The following TRIM62 variants were observed in gnomAD, a reference collection of about 807,000 sequenced individuals.
TRIM62 encodes the protein tripartite motif containing 62.
A neutral mutation model predicts 44.2 loss-of-function variants in TRIM62; 39 were observed. The ratio of observed to expected loss-of-function variants is 0.88; its 90% CI spans 0.68 to 1.15. The LOEUF (loss-of-function observed/expected upper bound fraction) is 1.15. Ranked by LOEUF, TRIM62 falls within the 50% of genes most tolerant of loss-of-function variation. The probability of loss-of-function intolerance (pLI) is 0.00; values close to 1 mark genes in which losing one functional copy is unlikely to be tolerated. For missense variants in TRIM62, 544 were observed against 665.5 expected, an observed-to-expected ratio of 0.82 and a Z score of 2.01; for synonymous variants, 278 against 292.3, an observed-to-expected ratio of 0.95 and a Z score of 0.50.
rs758042989 is a variant in TRIM62 at position 33,159,955 on chromosome 1, C to T, written c.505-11G>A. 7.5e-6 allele frequency: 12 copies of T among 1,599,072 alleles called. No homozygotes were observed. The highest frequency in any genetic ancestry group is 1.0e-5 in the Non-Finnish European group (12 of 1,177,680). On this transcript the variant is annotated splice_polypyrimidine_tract_variant and intron_variant, in intron 2 of 4. Coordinates refer to ENST00000291416, the MANE Select transcript of TRIM62 (RefSeq NM_018207.3). This position sits in a 1 kb window ranked among gnomAD's most constrained non-coding sequence, Gnocchi z 4.2. ...GCTCTTGGTGGAAGACTGTGGGGGA[C>T]AGTCGTCAGGGGTTATGGCTGGGGG...
intron 1 of TRIM62, among the ~76,000 whole-genome samples, chr1:33,166,482 G>C (rs566676297): frequency 5.3e-5 from 8 of 152,202 alleles, no homozygotes; most frequent in African/African-American, 1.9e-4. Flanking sequence ...GGCTACAGTG[G>C]GCTGGGCACA....
intron 1 of TRIM62, among the ~76,000 whole-genome samples, chr1:33,170,979 C>T (rs1645369703): frequency 6.6e-6 from 1 of 152,198 alleles, no homozygotes; most frequent in African/African-American, 2.4e-5. Context: ...GCTCCCTAGT[C>T]GCTTCTTTGT....
intron 1 of TRIM62, among the ~76,000 whole-genome samples, chr1:33,170,275 G>T (rs530222107): frequency 2.8e-4 from 43 of 151,272 alleles, no homozygotes; most frequent in Non-Finnish European, 5.0e-4. Context: ...AGTGAGCCAA[G>T]ATCGTGCCAC....
At chr1:33,174,140 C>T (rs1645395797) in intron 1 of TRIM62, among the ~76,000 whole-genome samples, 1 of 150,210 alleles carries the variant, frequency 6.7e-6, no homozygotes, top group African/African-American at 2.5e-5. Context: ...CCTTCTTCTC[C>T]CTTCTCCCTT....
At chr1:33,175,300 C>T (rs1645410805) in intron 1 of TRIM62, among the ~76,000 whole-genome samples, 1 of 152,004 alleles carries the variant, frequency 6.6e-6, no homozygotes, top group African/African-American at 2.4e-5. Flanking sequence ...CCTTGGCCTC[C>T]TGAAGTGCTG....
rs1234193227 is a variant in TRIM62, at chr1:33,181,354, C to T, written c.79G>A (p.Glu27Lys). ...IYQDPVSLGC[E>K]HYFCRRCITE... ...ATGCAGCGGCGGCAGAAGTAATGCT[C>T]GCAGCCCAGGCTCACCGGGTCCTGG... Residue 27 changes from glutamate to lysine, a missense_variant, in exon 1 of 5, where the codon GAG becomes AAG. Glu to Lys is a moderately conservative substitution (Grantham distance 56, BLOSUM62 1). Transcript: ENST00000291416. The surrounding 1 kb of genome is among the most constrained non-coding windows in gnomAD (Gnocchi z 6.5). 8 of 1,591,852 alleles carry T rather than the reference C, an allele frequency of 5.0e-6. No homozygotes were observed. The highest frequency in any genetic ancestry group is 6.8e-6 in the Non-Finnish European group (8 of 1,172,738).
chr1:33,162,926 T>C (rs1645288371), intron 2 of TRIM62: 1 of 152,226 alleles, frequency 6.6e-6, no homozygotes, highest in Admixed American at 6.5e-5. Flanking sequence ...GGACTTCAGG[T>C]TGGTCCCTCA....
In TRIM62 at chr1:33,159,610, C is replaced by T. The variant is rs1360825976; in HGVS notation, c.761+78G>A. On this transcript the variant is annotated intron_variant, in intron 3 of 4. Transcript: ENST00000291416. The surrounding 1 kb of genome is among the most constrained non-coding windows in gnomAD (Gnocchi z 4.2). ...AAGAATTCTCTGCTAAGGATCCCAT[C>T]TGCCTCCACTCCCACTGCCCAGCAT... is the stretch of plus-strand genomic sequence containing the variant. 9.3e-6 allele frequency: 14 copies of T among 1,509,322 alleles called. No individual in the cohort carries two copies. The highest frequency in any genetic ancestry group is 1.2e-5 in the Non-Finnish European group (14 of 1,130,116). The allele number at this position is 1,509,322 out of a possible 1,614,324, so 93.5% of individuals were successfully genotyped here. A position where few individuals can be genotyped will look rare whatever the true frequency, so the allele number is the denominator to read the frequency against.
chr1:33,176,303 C>T, intron 1 of TRIM62: 2 of 586,404 alleles, frequency 3.4e-6, no homozygotes, highest in South Asian at 3.8e-5. Flanking sequence ...AGGGTGTCAC[C>T]CCCTCTCCTG....
At chr1:33,180,512 T>C (rs115892154) in intron 1 of TRIM62, among the ~76,000 whole-genome samples, 242 of 152,234 alleles carry the variant, frequency 1.6e-3, no homozygotes, top group African/African-American at 5.4e-3. Flanking sequence ...CTAGCCCCCG[T>C]ACTCCTCTTA....
intron 1 of TRIM62, among the ~76,000 whole-genome samples, chr1:33,174,676 T>G (rs1645399630): frequency 6.6e-6 from 1 of 152,188 alleles, no homozygotes; most frequent in Admixed American, 6.5e-5. Context: ...TTTTGTTCCC[T>G]CTGTCCATAA....
In TRIM62 at chr1:33,181,710, G is replaced by A. The variant is rs1645466099; in HGVS notation, c.-278C>T. 7 of 489,726 alleles carry A rather than the reference G, an allele frequency of 1.4e-5. 1 individual carries two copies. The South Asian group carries it at 1.7e-4, about 12-fold the overall frequency. 30.3% of individuals were successfully genotyped at this position (489,726 alleles called of 1,614,324 possible). ...CGCTGGGAGGAGGCTGTGAGCGGCT[G>A]AGGGACGGAGATCCTGACGGGGAGG... is the stretch of plus-strand genomic sequence containing the variant. On this transcript the variant is annotated 5_prime_UTR_variant, in exon 1 of 5. Transcript: ENST00000291416. This position sits in a 1 kb window ranked among gnomAD's most constrained non-coding sequence, Gnocchi z 6.5.
intron 4 of TRIM62, among the ~76,000 whole-genome samples, chr1:33,148,692 A>G (rs923944496): frequency 6.6e-6 from 1 of 152,220 alleles, no homozygotes; most frequent in African/African-American, 2.4e-5. Flanking sequence ...ATACACACAC[A>G]ACACTTGAAA....
rs147419871 is a variant in TRIM62 at position 33,159,926 on chromosome 1, G to T, written c.523C>A (p.Arg175=). ...AETKSSTKSL[R]TTIGEAFERL... ...TCGAAGGCCTCGCCGATAGTGGTCC[G>T]CAGGCTCTTGGTGGAAGACTGTGGG... is the stretch of plus-strand genomic sequence containing the variant. Residue 175 remains arginine, a synonymous_variant, in exon 3 of 5, where the codon CGG becomes AGG. Transcript: ENST00000291416. The surrounding 1 kb of genome is among the most constrained non-coding windows in gnomAD (Gnocchi z 4.2). The T allele has an allele frequency of 4.7e-4, 748 of 1,605,212 alleles. 1 individual carries two copies. The highest frequency in any genetic ancestry group is 6.1e-4 in the Non-Finnish European group (718 of 1,179,802).
At position 33,161,540 on chromosome 1, in the gene TRIM62, C is replaced by T. The variant is rs942939583; in HGVS notation, c.505-1596G>A. 6.6e-6 allele frequency among the ~76,000 whole-genome samples: 1 copy of T among 152,128 alleles called. No individual in the cohort carries two copies. Among genetic ancestry groups the T allele is most frequent in the African/African-American group, 2.4e-5 (1 of 41,416 alleles). On this transcript the variant is annotated intron_variant, in intron 2 of 4. Transcript: ENST00000291416. The surrounding 1 kb of genome is among the most constrained non-coding windows in gnomAD (Gnocchi z 4.3). ...GCTGGCCTGCAGGAAGAACTGCTGGCGGTGGGCCAGCCTCGCTGCGCATGC... is the reference window on the plus strand; with the variant it reads ...GCTGGCCTGCAGGAAGAACTGCTGGTGGTGGGCCAGCCTCGCTGCGCATGC...
rs555592001 is a variant in TRIM62 at position 33,159,699 on chromosome 1, T to C, written c.750A>G (p.Ser250=). 23 of 1,608,008 alleles carry C rather than the reference T, an allele frequency of 1.4e-5. No homozygotes were observed. In the South Asian group the frequency reaches 2.1e-4, roughly 15 times the overall value. The change falls in exon 3 of 5, where the codon TCA becomes TCG. Residue 250 remains serine (S), a synonymous_variant. Transcript: ENST00000291416. This position sits in a 1 kb window ranked among gnomAD's most constrained non-coding sequence, Gnocchi z 4.2. ...DRHTFLAGVA[S]LSERLKGKIH... is the part of the protein sequence containing the mutation. The stretch of plus-strand genomic sequence containing the variant: ...CGGGTGGCACTTACCGCTCGGACAG[T>C]GAGGCCACCCCAGCCAGGAAGGTGT...
chr1:33,149,791 C>T (rs547126916), intron 4 of TRIM62, among the ~76,000 whole-genome samples: 4 of 152,254 alleles, frequency 2.6e-5, no homozygotes, highest in African/African-American at 4.8e-5. Flanking sequence ...CTGATACTGG[C>T]GTGGGGTATT....
At chr1:33,178,863 CA>C (rs1469584148) in intron 1 of TRIM62, among the ~76,000 whole-genome samples, 1 of 152,208 alleles carries the variant, frequency 6.6e-6, no homozygotes, top group African/African-American at 2.4e-5. Flanking sequence ...CTGTGTCCCC[CA>C]GGTCATGGGA....
rs1336837765 is a variant in TRIM62 at position 33,177,205 on chromosome 1, G to T, written c.408+3820C>A. 6.6e-6 allele frequency among the ~76,000 whole-genome samples: 1 copy of T among 152,118 alleles called. No homozygotes were observed. The highest frequency in any genetic ancestry group is 1.5e-5 in the Non-Finnish European group (1 of 68,024). On this transcript the variant is annotated intron_variant, in intron 1 of 4. Transcript: ENST00000291416. The surrounding 1 kb of genome is among the most constrained non-coding windows in gnomAD (Gnocchi z 4.1). The stretch of plus-strand genomic sequence containing the variant: ...ATAGTAACTCCTGCCATGTTTCATG[G>T]GGTATTATTATGGGGGGACTTTAAC...
Sources: gnomAD v4.1 joint callset for allele counts (sites outside exome capture counted in the v4.1 genomes callset) on GRCh38, gnomAD v4.1.1 for gene constraint, Gnocchi (gnomAD v3.1) non-coding constraint, MANE v1.5 for transcripts, NCBI Gene and HGNC (gene_info 2026-07-23, HGNC 2026-07-21) for gene names.